Variants in POPDC1 observed in about 807,000 individuals in gnomAD.
The protein encoded by POPDC1 is popeye domain-containing protein 1.
At chr6:105,122,748 C>T in the POPDC1 span, among the ~76,000 whole-genome samples, 3 of 152,152 alleles carry the variant, frequency 2.0e-5, no homozygotes, top group Admixed American at 6.5e-5. Flanking sequence ...GTTTGTAGAT[C>T]GCGGTGATTA....
chr6:105,106,366 A>G, the POPDC1 span, among the ~76,000 whole-genome samples: 2 of 152,238 alleles, frequency 1.3e-5, no homozygotes, highest in African/African-American at 4.8e-5. Flanking sequence ...CCACACTCGC[A>G]GTATGTTCAG....
chr6:105,098,129 A>G, the POPDC1 span: 4 of 152,208 alleles, frequency 2.6e-5, no homozygotes, highest in Non-Finnish European at 5.9e-5. Flanking sequence ...GTAAAGGCCA[A>G]AAAACACAGG....
At chr6:105,113,955 C>CA in the POPDC1 span, among the ~76,000 whole-genome samples, 142 of 148,448 alleles carry the variant, frequency 9.6e-4, no homozygotes, top group African/African-American at 3.1e-3. Context: ...CACACACACA[C>CA]AAAAAAAACA....
At chr6:105,124,416 T>C in the POPDC1 span, 1 of 432,186 alleles carries the variant, frequency 2.3e-6, no homozygotes. Flanking sequence ...AAAGAGACAA[T>C]ACTATATATG....
the POPDC1 span, among the ~76,000 whole-genome samples, chr6:105,120,842 G>A: frequency 6.6e-6 from 1 of 152,144 alleles, no homozygotes; most frequent in Non-Finnish European, 1.5e-5. Context: ...AATACTTTTT[G>A]CATGCATCAT....
the POPDC1 span, chr6:105,115,959 G>T: frequency 1.4e-6 from 1 of 705,654 alleles, no homozygotes; most frequent in Non-Finnish European, 2.1e-6. Flanking sequence ...ATATTAGGTG[G>T]CCAATAAACA....
At chr6:105,102,485 A>T in the POPDC1 span, among the ~76,000 whole-genome samples, 1 of 152,158 alleles carries the variant, frequency 6.6e-6, no homozygotes, top group East Asian at 1.9e-4. Context: ...GCCATGAACG[A>T]GTGGTCATTC....
the POPDC1 span, among the ~76,000 whole-genome samples, chr6:105,110,445 CT>C: frequency 6.6e-6 from 1 of 152,148 alleles, no homozygotes; most frequent in Admixed American, 6.5e-5. Flanking sequence ...GTTTGTAAGT[CT>C]ATGGTTGCTC....
chr6:105,122,816 G>A, the POPDC1 span, among the ~76,000 whole-genome samples: 1 of 152,220 alleles, frequency 6.6e-6, no homozygotes, highest in Non-Finnish European at 1.5e-5. Flanking sequence ...CAAGGTGAGA[G>A]TGTAAAGACA....
At chr6:105,110,390 T>C in the POPDC1 span, among the ~76,000 whole-genome samples, 2 of 152,230 alleles carry the variant, frequency 1.3e-5, no homozygotes, top group Non-Finnish European at 2.9e-5. Context: ...TGCTGCCTAA[T>C]CACACATCTT....
At chr6:105,115,748 G>A in the POPDC1 span, 10 of 1,614,026 alleles carry the variant, frequency 6.2e-6, no homozygotes, top group African/African-American at 1.3e-5. Context: ...ACTGTCACTG[G>A]AGCTGGCTAT....
chr6:105,123,219 CCA>C, the POPDC1 span, among the ~76,000 whole-genome samples: 3 of 152,156 alleles, frequency 2.0e-5, no homozygotes, highest in Non-Finnish European at 4.4e-5. Context: ...ACAAGCAATC[CCA>C]TTCTCAGGAT....
chr6:105,131,966 C>CTTT, the POPDC1 span, among the ~76,000 whole-genome samples: 3 of 136,154 alleles, frequency 2.2e-5, no homozygotes, highest in Non-Finnish European at 3.2e-5. Flanking sequence ...TCATTTATCA[C>CTTT]TTTTTTTTTT....
the POPDC1 span, among the ~76,000 whole-genome samples, chr6:105,118,933 C>A: frequency 6.6e-6 from 1 of 152,108 alleles, no homozygotes; most frequent in African/African-American, 2.4e-5. Flanking sequence ...CCTACAGTCC[C>A]AGCTACTTGG....
the POPDC1 span, among the ~76,000 whole-genome samples, chr6:105,115,421 G>A: frequency 6.6e-6 from 1 of 152,186 alleles, no homozygotes; most frequent in African/African-American, 2.4e-5. Flanking sequence ...CCCAGCCAGT[G>A]AGCCACTATT....
At chr6:105,137,032 G>C in the POPDC1 span, 1 of 152,172 alleles carries the variant, frequency 6.6e-6, no homozygotes, top group African/African-American at 2.4e-5. Context: ...CAGCTTCGGG[G>C]CGCGGGACGC....
chr6:105,109,660 CCTGGGAGGCGGGAGGACATCTT>C, the POPDC1 span, among the ~76,000 whole-genome samples: 1 of 147,902 alleles, frequency 6.8e-6, no homozygotes, highest in Non-Finnish European at 1.5e-5. Flanking sequence ...ACATCTTGAG[CCTGGGAGGCGGGAGGACATCTT>C]GAGCCTGGGA....
the POPDC1 span, among the ~76,000 whole-genome samples, chr6:105,116,535 A>G: frequency 2.0e-5 from 3 of 152,244 alleles, no homozygotes; most frequent in Admixed American, 2.0e-4. Context: ...ACTAAGTAAC[A>G]GCAAATCTAA....
At chr6:105,124,648 C>T in the POPDC1 span, 1 of 1,590,534 alleles carries the variant, frequency 6.3e-7, no homozygotes, top group Non-Finnish European at 8.6e-7. Flanking sequence ...CGATAGGAGA[C>T]CTTCATTCTG....
Sources: gnomAD v4.1 joint callset for allele counts (sites outside exome capture counted in the v4.1 genomes callset) on GRCh38, gnomAD v4.1.1 for gene constraint, MANE v1.5 for transcripts, NCBI Gene and HGNC (gene_info 2026-07-23, HGNC 2026-07-21) for gene names.